Variants in GAS2 observed in about 807,000 individuals in gnomAD.
GAS2 encodes growth arrest-specific protein 2.
GAS2 carries 20 observed loss-of-function variants against 37.5 expected under a neutral mutation model. That is an observed-to-expected ratio of 0.53 (90% CI 0.37 to 0.77). The LOEUF is 0.77. Among genes scored for constraint, GAS2 ranks in the 30% least tolerant of loss-of-function variants. The pLI is 0.00. For synonymous variants in GAS2, 144 were observed against 132.2 expected (o/e 1.09, Z -0.61); for missense variants, 336 against 373.4 (o/e 0.90, Z 0.82).
At chr11:22,682,063 A>G (rs963592373) in intron 2 of GAS2, among the ~76,000 whole-genome samples, 2 of 152,144 alleles carry the variant, frequency 1.3e-5, no homozygotes, top group East Asian at 3.9e-4. Context: ...GTACATTTCA[A>G]CTATAAAGTA....
At chr11:22,645,372 G>T (rs1215104053) in intron 1 of GAS2, among the ~76,000 whole-genome samples, 1 of 152,020 alleles carries the variant, frequency 6.6e-6, no homozygotes, top group Non-Finnish European at 1.5e-5. Flanking sequence ...GCCAGGTGTG[G>T]TAGCATGCGC....
At chr11:22,796,914 A>ATT (rs1276644992) in intron 7 of GAS2, among the ~76,000 whole-genome samples, 1 of 152,098 alleles carries the variant, frequency 6.6e-6, no homozygotes, top group Non-Finnish European at 1.5e-5. Flanking sequence ...CCCTTCCTAA[A>ATT]TAGGTTATTA....
At chr11:22,716,460 T>C (rs1319078329) in intron 3 of GAS2, among the ~76,000 whole-genome samples, 1 of 151,882 alleles carries the variant, frequency 6.6e-6, no homozygotes, top group African/African-American at 2.4e-5. Flanking sequence ...GCCAACATGG[T>C]GAAACATTGT....
At chr11:22,672,672 T>C (rs942785542) in intron 1 of GAS2, 2 of 152,154 alleles carry the variant, frequency 1.3e-5, no homozygotes, top group Non-Finnish European at 2.9e-5. Context: ...ATTTTAGAGG[T>C]AACCCTTTTA....
At chr11:22,652,662 C>T (rs1050052462) in intron 1 of GAS2, among the ~76,000 whole-genome samples, 20 of 152,180 alleles carry the variant, frequency 1.3e-4, no homozygotes, top group African/African-American at 4.6e-4. Flanking sequence ...GCGCAGTATT[C>T]GGGTGGGAGT....
intron 1 of GAS2, among the ~76,000 whole-genome samples, chr11:22,636,831 A>G (rs1858828458): frequency 1.3e-5 from 2 of 149,198 alleles, no homozygotes; most frequent in South Asian, 4.2e-4. Context: ...ATAGGTATAT[A>G]TATGTCTAGT....
At chr11:22,729,750 T>A (rs1852386575) in intron 4 of GAS2, among the ~76,000 whole-genome samples, 2 of 102,056 alleles carry the variant, frequency 2.0e-5, no homozygotes, top group African/African-American at 7.3e-5. Context: ...AAAATCTACC[T>A]TATTACTAAA....
rs1277605739 is a variant in GAS2, at chr11:22,811,912, A to G, written c.838A>G (p.Lys280Glu). 3.1e-6 allele frequency: 5 copies of G among 1,614,126 alleles called. No individual in the cohort carries two copies. Among genetic ancestry groups the G allele is most frequent in the Non-Finnish European group, 4.2e-6 (5 of 1,179,988 alleles). Residue 280 changes from lysine (K) to glutamate (E), a missense_variant, in exon 8 of 8, where the codon AAA (lysine) becomes GAA (glutamate). By Grantham distance (56) the Lys-to-Glu change is moderately conservative. Transcript: ENST00000454584. ...GCTGCAGATCTCCCGTGTGGATGGC[A>G]AAACATCCCCTATCCAAAGCAAATC... is the stretch of plus-strand genomic sequence containing the variant. ...RMLQISRVDG[K>E]TSPIQSKSPT... is the part of the protein sequence containing the mutation.
intron 7 of GAS2, among the ~76,000 whole-genome samples, chr11:22,810,277 C>T (rs961200096): frequency 3.9e-5 from 6 of 152,126 alleles, no homozygotes; most frequent in Non-Finnish European, 5.9e-5. Flanking sequence ...GTCTATTAGG[C>T]GATCACAACA....
intron 5 of GAS2, among the ~76,000 whole-genome samples, chr11:22,746,795 A>T (rs1018262720): frequency 2.0e-5 from 3 of 152,168 alleles, no homozygotes; most frequent in Admixed American, 6.5e-5. Context: ...CCCAAACCTC[A>T]ACATTATGCA....
intron 7 of GAS2, 122 bp downstream of exon 7, chr11:22,756,075 T>C (rs1181362960): frequency 1.8e-5 from 12 of 652,584 alleles, no homozygotes; most frequent in Non-Finnish European, 3.1e-5. Flanking sequence ...ATACATGGTA[T>C]GAATTTTTTT....
chr11:22,731,411 G>T (rs1418636353), intron 4 of GAS2: 7 of 424,984 alleles, frequency 1.6e-5, no homozygotes, highest in Non-Finnish European at 3.3e-5. Flanking sequence ...GCTATCTGCG[G>T]TGTAGCATGC....
chr11:22,779,725 C>A (rs1019164066), intron 7 of GAS2, among the ~76,000 whole-genome samples: 12 of 150,922 alleles, frequency 8.0e-5, no homozygotes, highest in African/African-American at 2.9e-4. Context: ...AAAAAAAAAA[C>A]CAAACAAACA....
intron 7 of GAS2, among the ~76,000 whole-genome samples, chr11:22,768,785 G>T (rs994026700): frequency 5.3e-5 from 8 of 152,132 alleles, no homozygotes; most frequent in Non-Finnish European, 1.5e-5. Context: ...GACTATGGGG[G>T]AATGCAGAGA....
At chr11:22,647,289 A>G (rs1324667474) in intron 1 of GAS2, among the ~76,000 whole-genome samples, 1 of 152,006 alleles carries the variant, frequency 6.6e-6, no homozygotes, top group South Asian at 2.1e-4. Context: ...TCCATGGTGT[A>G]TATGTGCCAC....
At position 22,804,835 on chromosome 11, in the gene GAS2, G is replaced by A. The variant is rs115608595; in HGVS notation, c.724-6963G>A. Among the ~76,000 whole-genome samples the A allele has an allele frequency of 1.6e-3, 248 of 152,174 alleles. 1 individual carries two copies. The highest frequency in any genetic ancestry group is 5.8e-3 in the African/African-American group (241 of 41,522). On this transcript the variant is annotated intron_variant, in intron 7 of 7. Transcript: ENST00000454584. ...TGTTTGAGAATAATAGATAAAAATG[G>A]GAAATGGAGCTGACCAAAACTAAAA...
chr11:22,686,465 C>T (rs1245324536), intron 3 of GAS2, among the ~76,000 whole-genome samples: 6 of 148,650 alleles, frequency 4.0e-5, no homozygotes, highest in African/African-American at 1.5e-4. Flanking sequence ...CCTGTAATCC[C>T]AGTACTTTGG....
intron 1 of GAS2, among the ~76,000 whole-genome samples, chr11:22,641,952 GTAAT>G (rs1187501814): frequency 2.0e-5 from 3 of 152,124 alleles, no homozygotes; most frequent in Non-Finnish European, 4.4e-5. Flanking sequence ...TTTCATAAAA[GTAAT>G]TAAATTGAAA....
At position 22,666,627 on chromosome 11, in the gene GAS2, T is replaced by C. The variant is rs1047169329; in HGVS notation, c.-293T>C. On this transcript the variant is annotated 5_prime_UTR_variant, in exon 1 of 8. Coordinates refer to ENST00000454584, the MANE Select transcript of GAS2 (RefSeq NM_001143830.3). ...AAAAAAGTAAGCATTTTACTTCCGC[T>C]CGGTCTATGAGGACTGATGAAATGT... 6.6e-6 allele frequency: 1 copy of C among 152,234 alleles called. No homozygotes were observed. Among genetic ancestry groups the C allele is most frequent in the African/African-American group, 2.4e-5 (1 of 41,450 alleles). The allele number at this position is 152,234 out of a possible 1,614,324, so 9.4% of individuals were successfully genotyped here. A position where few individuals can be genotyped will look rare whatever the true frequency, so the allele number is the denominator to read the frequency against.
Sources: gnomAD v4.1 joint callset for allele counts (sites outside exome capture counted in the v4.1 genomes callset) on GRCh38, gnomAD v4.1.1 for gene constraint, MANE v1.5 for transcripts, NCBI Gene and HGNC (gene_info 2026-07-23, HGNC 2026-07-21) for gene names.